ZFP2: variants seen among roughly 807,000 people sequenced by gnomAD.
ZFP2 encodes the protein ZFP2 zinc finger protein.
Under a neutral mutation model 36.1 loss-of-function variants are expected in ZFP2, and 33 were observed. That is an observed-to-expected ratio of 0.92 (90% CI 0.69 to 1.22). The LOEUF (loss-of-function observed/expected upper bound fraction) is 1.22, where lower values mean the gene tolerates loss of function less well. ZFP2 is among the 50% of genes most tolerant of loss of function. ZFP2 has a pLI of 0.00. For missense variants in ZFP2, 522 were observed against 551.4 expected (o/e 0.95, Z 0.53); for synonymous variants, 170 against 178.0 (o/e 0.96, Z 0.36).
At chr5:178,914,982 G>T (rs76710139) in intron 3 of ZFP2, among the ~76,000 whole-genome samples, 417 of 152,258 alleles carry the variant, frequency 2.7e-3, no homozygotes, top group African/African-American at 9.6e-3. Context: ...TCTGTAAAAA[G>T]ATCTATTTGT....
chr5:178,922,801 C>T, intron 4 of ZFP2: 1 of 1,379,464 alleles, frequency 7.2e-7, no homozygotes, highest in Non-Finnish European at 9.8e-7. Context: ...CCAAGCAGTT[C>T]CATTTACAGC....
intron 4 of ZFP2, among the ~76,000 whole-genome samples, chr5:178,929,903 TC>T (rs1462524025): frequency 2.2e-4 from 32 of 144,520 alleles, no homozygotes; most frequent in African/African-American, 7.5e-4. Context: ...GGCTCACAGT[TC>T]CTGTACAAGA....
intron 4 of ZFP2, 74 bp from the exon 5 acceptor site, chr5:178,931,163 C>T (rs986424197): frequency 2.9e-6 from 4 of 1,400,506 alleles, no homozygotes; most frequent in Non-Finnish European, 3.7e-6. Context: ...TTAATTCTCT[C>T]ATTCCTACCT....
intron 4 of ZFP2, among the ~76,000 whole-genome samples, chr5:178,928,141 C>G (rs1204866180): frequency 6.6e-6 from 1 of 151,934 alleles, no homozygotes; most frequent in Non-Finnish European, 1.5e-5. Flanking sequence ...AGTCACCTCC[C>G]ATAAGGCCCA....
intron 1 of ZFP2, among the ~76,000 whole-genome samples, chr5:178,906,272 A>C (rs1410140492): frequency 6.6e-6 from 1 of 152,160 alleles, no homozygotes; most frequent in African/African-American, 2.4e-5. Context: ...TTCAGCTAAC[A>C]AGGTAATTTG....
Position 178,933,055 on chromosome 5 carries a change from T to G in ZFP2, c.*356T>G, listed in dbSNP as rs12186584. 5.2e-6 allele frequency: 1 copy of G among 190,726 alleles called. No homozygotes were observed. Among genetic ancestry groups the G allele is most frequent in the Non-Finnish European group, 1.2e-5 (1 of 82,814 alleles). The allele number at this position is 190,726 out of a possible 1,614,324, so 11.8% of individuals were successfully genotyped here. On this transcript the variant is annotated 3_prime_UTR_variant, in exon 5 of 5. Coordinates refer to ENST00000361362, the MANE Select transcript of ZFP2 (RefSeq NM_030613.4). ...AACTGGACAGCCCAGAGACCTGGTA[T>G]GTAGTCCTAATCTGCCACTGCCTTG...
intron 1 of ZFP2, chr5:178,909,894 C>T (rs1260504680): frequency 6.4e-7 from 1 of 1,554,484 alleles, no homozygotes; most frequent in Non-Finnish European, 8.8e-7. Context: ...GAACATGTTC[C>T]AAGAGTCCCG....
chr5:178,905,691 T>A (rs1243136100), intron 1 of ZFP2, among the ~76,000 whole-genome samples: 1 of 152,100 alleles, frequency 6.6e-6, no homozygotes, highest in African/African-American at 2.4e-5. Flanking sequence ...GAATAAAACA[T>A]CTTAAGGAAT....
At chr5:178,917,590 G>A (rs1234166387) in intron 4 of ZFP2, among the ~76,000 whole-genome samples, 6 of 151,898 alleles carry the variant, frequency 4.0e-5, no homozygotes, top group Non-Finnish European at 8.8e-5. Context: ...ACTCCAGCCT[G>A]GGCAACAGAG....
intron 4 of ZFP2, among the ~76,000 whole-genome samples, chr5:178,928,687 T>C (rs1758749200): frequency 6.6e-6 from 1 of 152,230 alleles, no homozygotes; most frequent in South Asian, 2.1e-4. Flanking sequence ...GTTGAATGTC[T>C]CTGGCTTTTC....
intron 1 of ZFP2, among the ~76,000 whole-genome samples, chr5:178,901,541 G>A (rs908249108): frequency 2.0e-5 from 3 of 152,096 alleles, no homozygotes; most frequent in South Asian, 2.1e-4. Context: ...TGGCTGCATC[G>A]CTCTAATCCT....
chr5:178,928,108 A>G (rs1319547025), intron 4 of ZFP2, among the ~76,000 whole-genome samples: 1 of 152,040 alleles, frequency 6.6e-6, no homozygotes, highest in African/African-American at 2.4e-5. Flanking sequence ...TAAACCATTC[A>G]TAAGAAACCA....
Position 178,932,978 on chromosome 5 carries a change from C to T in ZFP2, c.*279C>T, listed in dbSNP as rs1758880782. On this transcript the variant is annotated 3_prime_UTR_variant, in exon 5 of 5. Transcript: ENST00000361362. ...GTTCTGTTATATCATACCGCACATT[C>T]TCCTTTGGCTATCAGAGACTTTACA... The T allele has an allele frequency of 3.2e-6, 1 of 309,098 alleles. No individual in the cohort carries two copies. The highest frequency in any genetic ancestry group is 2.2e-5 in the African/African-American group (1 of 45,714). 19.1% of individuals were successfully genotyped at this position (309,098 alleles called of 1,614,324 possible).
chr5:178,928,799 G>A lies in ZFP2; in HGVS notation c.-77-2438G>A, dbSNP rs181260726. Among the ~76,000 whole-genome samples the A allele has an allele frequency of 2.5e-4, 38 of 152,314 alleles. 1 individual carries two copies. In the South Asian group the frequency reaches 4.8e-3, roughly 19 times the overall value. On this transcript the variant is annotated intron_variant, in intron 4 of 4. Coordinates refer to ENST00000361362, the MANE Select transcript of ZFP2 (RefSeq NM_030613.4). The stretch of plus-strand genomic sequence containing the variant: ...TGCCCCAGTGGGGATTCTACATGGC[G>A]GCTCCAATGCCACATTTCTCCTCTG...
intron 1 of ZFP2, among the ~76,000 whole-genome samples, chr5:178,908,156 T>C (rs561066584): frequency 6.6e-6 from 1 of 152,094 alleles, no homozygotes; most frequent in Non-Finnish European, 1.5e-5. Flanking sequence ...TCTTTAAAAA[T>C]AATTATTACT....
intron 1 of ZFP2, 33 bp downstream of exon 1, chr5:178,896,007 C>T (rs1200873824): frequency 6.6e-6 from 1 of 152,358 alleles, no homozygotes; most frequent in Non-Finnish European, 1.5e-5. Context: ...GGGCGCGCGC[C>T]ATCCGTGAGT....
In ZFP2 at chr5:178,931,712, T is replaced by C. The variant is rs114711990; in HGVS notation, c.399T>C (p.Asn133=). The change falls in exon 5 of 5, where the codon AAT becomes AAC. Residue 133 remains asparagine (N), a synonymous_variant. Coordinates refer to ENST00000361362, the MANE Select transcript of ZFP2 (RefSeq NM_030613.4). ...IHTGEKPYKC[N]VCGKHFIERS... is the part of the protein sequence containing the mutation. ...CTGGGGAGAAACCCTATAAGTGTAA[T>C]GTATGTGGGAAACACTTCATTGAAC... The C allele has an allele frequency of 2.1e-4, 333 of 1,614,142 alleles. No homozygotes were observed. The African/African-American group carries it at 3.9e-3, about 19-fold the overall frequency.
chr5:178,928,596 G>A (rs1015928199), intron 4 of ZFP2, among the ~76,000 whole-genome samples: 4 of 152,222 alleles, frequency 2.6e-5, no homozygotes, highest in African/African-American at 9.6e-5. Flanking sequence ...CTGCTGCGAG[G>A]GGTGGAGTCC....
intron 4 of ZFP2, among the ~76,000 whole-genome samples, chr5:178,923,091 C>CT (rs1169545442): frequency 6.7e-6 from 1 of 148,994 alleles, no homozygotes; most frequent in African/African-American, 2.4e-5. Flanking sequence ...CTTTAGGTGT[C>CT]TTTTTTTAAT....
Sources: allele counts gnomAD v4.1 joint callset (sites outside exome capture counted in the v4.1 genomes callset), GRCh38; gene constraint gnomAD v4.1.1; transcripts MANE v1.5; gene names NCBI Gene and HGNC (gene_info 2026-07-23, HGNC 2026-07-21).